Variants in ZFPM2 observed in about 807,000 individuals in gnomAD.
ZFPM2 encodes the protein zinc finger protein ZFPM2.
In ZFPM2, 20 loss-of-function variants were observed where a neutral mutation model predicts 98.6. The ratio of observed to expected loss-of-function variants is 0.20; its 90% CI spans 0.14 to 0.29. The LOEUF (loss-of-function observed/expected upper bound fraction) is 0.29, where lower values mean the gene tolerates loss of function less well. ZFPM2 is among the 10% of genes least tolerant of loss of function. ZFPM2 has a pLI of 1.00. For synonymous variants in ZFPM2, 518 were observed against 502.7 expected, an observed-to-expected ratio of 1.03 and a Z score of -0.41; for missense variants, 1,310 against 1,388.6, an observed-to-expected ratio of 0.94 and a Z score of 0.90.
chr8:105,400,203 GTTA>G (rs1462862547), intron 1 of ZFPM2, among the ~76,000 whole-genome samples: 13 of 151,514 alleles, frequency 8.6e-5, no homozygotes, highest in East Asian at 1.9e-4. Flanking sequence ...GCTTCTTATA[GTTA>G]TTATTTTGTG....
intron 6 of ZFPM2, chr8:105,796,906 G>A (rs973824922): frequency 6.6e-6 from 1 of 152,172 alleles, no homozygotes; most frequent in African/African-American, 2.4e-5. Context: ...CACAATACAA[G>A]GTCAGATTTG....
chr8:105,431,920 T>TC (rs1812027565), intron 2 of ZFPM2, among the ~76,000 whole-genome samples: 2 of 77,276 alleles, frequency 2.6e-5, no homozygotes, highest in African/African-American at 2.2e-4. Flanking sequence ...AGACTGTGTC[T>TC]CAAAAAAAAG....
At chr8:105,488,739 G>A (rs1813288400) in intron 3 of ZFPM2, among the ~76,000 whole-genome samples, 1 of 152,076 alleles carries the variant, frequency 6.6e-6, no homozygotes, top group Admixed American at 6.6e-5. Flanking sequence ...ACTCCAGCCT[G>A]GGTGACAGAG....
At chr8:105,796,098 A>G (rs762902977) in intron 6 of ZFPM2, among the ~76,000 whole-genome samples, 4 of 152,180 alleles carry the variant, frequency 2.6e-5, no homozygotes, top group Non-Finnish European at 4.4e-5. Context: ...CATTCAATCA[A>G]TGATATAGTA....
chr8:105,392,845 T>A (rs1811135564), intron 1 of ZFPM2, among the ~76,000 whole-genome samples: 1 of 152,218 alleles, frequency 6.6e-6, no homozygotes, highest in Non-Finnish European at 1.5e-5. Flanking sequence ...TGTATTAAAT[T>A]TTATCTTTTT....
At chr8:105,707,457 C>T (rs1435038685) in intron 5 of ZFPM2, among the ~76,000 whole-genome samples, 1 of 152,052 alleles carries the variant, frequency 6.6e-6, no homozygotes, top group Non-Finnish European at 1.5e-5. Flanking sequence ...TATAAATATG[C>T]ATCTGATGTA....
intron 4 of ZFPM2, among the ~76,000 whole-genome samples, chr8:105,609,652 AGACAGTGCCT>A (rs1251397007): frequency 1.3e-5 from 2 of 152,224 alleles, no homozygotes; most frequent in African/African-American, 4.8e-5. Context: ...AAAAGAGAGT[AGACAGTGCCT>A]GATGGATATT....
chr8:105,720,865 G>A (rs1437281181), intron 5 of ZFPM2, among the ~76,000 whole-genome samples: 2 of 151,914 alleles, frequency 1.3e-5, no homozygotes, highest in African/African-American at 4.8e-5. Flanking sequence ...TGGGAGAGGA[G>A]ATGCATCCTA....
intron 3 of ZFPM2, among the ~76,000 whole-genome samples, chr8:105,480,665 C>T (rs1021897108): frequency 6.6e-6 from 1 of 151,994 alleles, no homozygotes; most frequent in African/African-American, 2.4e-5. Flanking sequence ...TGAAAAGAGC[C>T]CTTTGCAGGG....
rs141848262 is a variant in ZFPM2, at chr8:105,763,860, T to A, written c.533-24858T>A. Among the ~76,000 whole-genome samples, 403 of 151,866 alleles carry A rather than the reference T, an allele frequency of 2.7e-3. 1 individual carries two copies. Among genetic ancestry groups the A allele is most frequent in the African/African-American group, 8.4e-3 (348 of 41,500 alleles). The stretch of plus-strand genomic sequence containing the variant: ...AAGGGTTTGGAAGCTGTTTTTCATA[T>A]CTAAAAAAAGATGGGATCATAAACA... On this transcript the variant is annotated intron_variant, in intron 5 of 7. Coordinates refer to ENST00000407775, the MANE Select transcript of ZFPM2 (RefSeq NM_012082.4).
intron 5 of ZFPM2, among the ~76,000 whole-genome samples, chr8:105,721,024 A>G (rs187523223): frequency 6.6e-6 from 1 of 151,868 alleles, no homozygotes; most frequent in Non-Finnish European, 1.5e-5. Context: ...CTAGAAAATC[A>G]TTCCTTTTTA....
At chr8:105,495,176 C>T (rs986012768) in intron 3 of ZFPM2, among the ~76,000 whole-genome samples, 6 of 152,164 alleles carry the variant, frequency 3.9e-5, no homozygotes, top group African/African-American at 1.4e-4. Context: ...ATCTTGTTTA[C>T]TTTTTAGTCA....
At chr8:105,751,753 A>C (rs1199682846) in intron 5 of ZFPM2, among the ~76,000 whole-genome samples, 1 of 151,968 alleles carries the variant, frequency 6.6e-6, no homozygotes, top group Non-Finnish European at 1.5e-5. Context: ...TAGCTTTTAA[A>C]ATGGATGGTG....
At chr8:105,718,007 T>C (rs7823089) in intron 5 of ZFPM2, among the ~76,000 whole-genome samples, 26,636 of 151,666 alleles carry the variant, frequency 0.18, 2,851 homozygotes, top group East Asian at 0.32. Flanking sequence ...AACAGTAAGA[T>C]ACTGTGTGAC....
chr8:105,395,334 C>T (rs1395587251), intron 1 of ZFPM2, among the ~76,000 whole-genome samples: 7 of 152,106 alleles, frequency 4.6e-5, no homozygotes, highest in African/African-American at 4.8e-5. Context: ...TACCATGTGT[C>T]GTCTCTAATT....
At chr8:105,607,711 C>T (rs1487109058) in intron 4 of ZFPM2, among the ~76,000 whole-genome samples, 1 of 152,090 alleles carries the variant, frequency 6.6e-6, no homozygotes, top group African/African-American at 2.4e-5. Flanking sequence ...GTTAAGCCAG[C>T]CTCCATGTTC....
chr8:105,477,186 C>A (rs1333755816), intron 3 of ZFPM2, among the ~76,000 whole-genome samples: 1 of 149,038 alleles, frequency 6.7e-6, no homozygotes, highest in African/African-American at 2.5e-5. Flanking sequence ...GTGCTTAATA[C>A]TGAACAACAA....
intron 2 of ZFPM2, among the ~76,000 whole-genome samples, chr8:105,440,887 C>CA (rs1403802331): frequency 6.6e-6 from 1 of 152,148 alleles, no homozygotes; most frequent in East Asian, 1.9e-4. Context: ...AGCGGTGGCT[C>CA]ACGCCTGTAA....
At chr8:105,483,383 A>T (rs1481612339) in intron 3 of ZFPM2, among the ~76,000 whole-genome samples, 1 of 152,020 alleles carries the variant, frequency 6.6e-6, no homozygotes, top group Non-Finnish European at 1.5e-5. Context: ...TGAGGTCAGG[A>T]GTTCGAGACC....
Sources: allele counts gnomAD v4.1 joint callset (sites outside exome capture counted in the v4.1 genomes callset), GRCh38; gene constraint gnomAD v4.1.1; transcripts MANE v1.5; gene names NCBI Gene and HGNC (gene_info 2026-07-23, HGNC 2026-07-21).